Variants in PRKCE observed in about 807,000 individuals in gnomAD.
PRKCE encodes protein kinase C epsilon type.
A neutral mutation model predicts 85.4 loss-of-function variants in PRKCE; 16 were observed. That is an observed-to-expected ratio of 0.19 (90% CI 0.13 to 0.28). The LOEUF (loss-of-function observed/expected upper bound fraction) is 0.28, where lower values mean the gene tolerates loss of function less well. PRKCE is among the 10% of genes least tolerant of loss of function. The pLI, the probability that PRKCE is intolerant of heterozygous loss-of-function variation, is 1.00. For missense variants in PRKCE, 573 were observed against 975.2 expected, an observed-to-expected ratio of 0.59 and a Z score of 5.49; for synonymous variants, 388 against 371.5, an observed-to-expected ratio of 1.04 and a Z score of -0.51.
At chr2:45,880,606 C>T (rs966946013) in intron 2 of PRKCE, among the ~76,000 whole-genome samples, 2 of 152,024 alleles carry the variant, frequency 1.3e-5, no homozygotes, top group African/African-American at 4.8e-5. Context: ...TGTTTACTCC[C>T]TGGACAGCAG....
At position 46,004,911 on chromosome 2, in the gene PRKCE, T is replaced by C. The variant is rs980727641; in HGVS notation, c.1063+273T>C. Reference sequence around the variant, plus strand: ...TGTATGATGTTATGGTTATCTGTTTTCCCTTGCCTCTGTCCCTGGTTCCAA... The same window carrying C: ...TGTATGATGTTATGGTTATCTGTTTCCCCTTGCCTCTGTCCCTGGTTCCAA... On this transcript the variant is annotated intron_variant, in intron 8 of 14. Coordinates refer to ENST00000306156, the MANE Select transcript of PRKCE (RefSeq NM_005400.3). This position sits in a 1 kb window ranked among gnomAD's most constrained non-coding sequence, Gnocchi z 4.1. Among the ~76,000 whole-genome samples the C allele has an allele frequency of 1.3e-5, 2 of 152,144 alleles. No homozygotes were observed. The highest frequency in any genetic ancestry group is 2.9e-5 in the Non-Finnish European group (2 of 68,016).
chr2:45,668,111 C>A (rs1012016570), intron 1 of PRKCE, among the ~76,000 whole-genome samples: 1 of 152,146 alleles, frequency 6.6e-6, no homozygotes, highest in African/African-American at 2.4e-5. Context: ...GAGGCCGAGG[C>A]GGTTGTATCA....
At chr2:45,988,769 C>G (rs1047243912) in intron 6 of PRKCE, among the ~76,000 whole-genome samples, 3 of 152,196 alleles carry the variant, frequency 2.0e-5, no homozygotes, top group Non-Finnish European at 4.4e-5. Flanking sequence ...ATCAGCTTCC[C>G]AGGTTCCAGG....
At chr2:45,662,830 G>A (rs993252538) in intron 1 of PRKCE, among the ~76,000 whole-genome samples, 2 of 151,578 alleles carry the variant, frequency 1.3e-5, no homozygotes, top group Admixed American at 1.3e-4. Context: ...CCCTCTCTCT[G>A]TATCATTAAG....
intron 10 of PRKCE, among the ~76,000 whole-genome samples, chr2:46,036,457 G>T (rs1217473006): frequency 2.0e-5 from 3 of 152,140 alleles, no homozygotes; most frequent in Admixed American, 2.0e-4. Context: ...AGGTATGGTG[G>T]TACATACCTG....
At chr2:45,957,473 G>C (rs1046347288) in intron 2 of PRKCE, among the ~76,000 whole-genome samples, 3 of 147,054 alleles carry the variant, frequency 2.0e-5, no homozygotes, top group Admixed American at 1.3e-4. Flanking sequence ...ATTTGCCTAT[G>C]TGTTTGTTTT....
intron 1 of PRKCE, among the ~76,000 whole-genome samples, chr2:45,743,023 A>G (rs1337891240): frequency 6.6e-6 from 1 of 152,242 alleles, no homozygotes; most frequent in South Asian, 2.1e-4. Context: ...CCAGTCATAG[A>G]AAAATAAATA....
chr2:45,660,714 CATT>C (rs1415077733), intron 1 of PRKCE, among the ~76,000 whole-genome samples: 5 of 152,318 alleles, frequency 3.3e-5, no homozygotes, highest in Admixed American at 3.3e-4. Context: ...CTTGGCAAAA[CATT>C]ATATTTCTCT....
At chr2:45,891,737 C>T (rs758036076) in intron 2 of PRKCE, among the ~76,000 whole-genome samples, 50 of 152,224 alleles carry the variant, frequency 3.3e-4, no homozygotes, top group Non-Finnish European at 6.8e-4. Context: ...TCACTGTTAC[C>T]TTGGGCTGCT....
intron 2 of PRKCE, among the ~76,000 whole-genome samples, chr2:45,878,142 G>C (rs1398217134): frequency 6.6e-6 from 1 of 152,258 alleles, no homozygotes; most frequent in Non-Finnish European, 1.5e-5. Flanking sequence ...CATCACCTCA[G>C]TCATTGGCTT....
At chr2:45,758,511 A>G (rs1487026355) in intron 1 of PRKCE, among the ~76,000 whole-genome samples, 1 of 127,504 alleles carries the variant, frequency 7.8e-6, no homozygotes, top group Non-Finnish European at 1.7e-5. Flanking sequence ...TCTGCCTGGA[A>G]CACTTTTCCT....
chr2:45,935,256 A>G (rs1190518443), intron 2 of PRKCE, among the ~76,000 whole-genome samples: 1 of 152,202 alleles, frequency 6.6e-6, no homozygotes, highest in Non-Finnish European at 1.5e-5. Flanking sequence ...CTTAAAGTAC[A>G]TACATCTTTT....
chr2:45,673,603 A>G (rs1253208662), intron 1 of PRKCE, among the ~76,000 whole-genome samples: 3 of 152,200 alleles, frequency 2.0e-5, no homozygotes, highest in Admixed American at 1.3e-4. Context: ...GGAAATAATC[A>G]TTATCCATTT....
At chr2:45,879,791 C>T (rs1694748917) in intron 2 of PRKCE, among the ~76,000 whole-genome samples, 1 of 152,208 alleles carries the variant, frequency 6.6e-6, no homozygotes, top group Non-Finnish European at 1.5e-5. Context: ...TCATAGGGTA[C>T]TGGTGATGTT....
intron 2 of PRKCE, among the ~76,000 whole-genome samples, chr2:45,864,445 G>A (rs1693419202): frequency 6.6e-6 from 1 of 152,060 alleles, no homozygotes; most frequent in African/African-American, 2.4e-5. Flanking sequence ...ACTGTCCTAA[G>A]TAGTTATTTT....
intron 2 of PRKCE, among the ~76,000 whole-genome samples, chr2:45,906,247 T>C (rs1321517581): frequency 6.6e-6 from 1 of 152,246 alleles, no homozygotes; most frequent in Non-Finnish European, 1.5e-5. Flanking sequence ...GTGCTGGTGC[T>C]GAGTCCAGGA....
Position 45,651,864 on chromosome 2 carries a change from G to A in PRKCE, c.-237G>A, listed in dbSNP as rs1675140939. 2.4e-6 allele frequency: 1 copy of A among 422,798 alleles called. No individual in the cohort carries two copies. Among genetic ancestry groups the A allele is most frequent in the African/African-American group, 2.0e-5 (1 of 50,090 alleles). 26.2% of individuals were successfully genotyped at this position (422,798 alleles called of 1,614,324 possible). A position where few individuals can be genotyped will look rare whatever the true frequency, so the allele number is the denominator to read the frequency against. ...GGGGGGAGAGACTTGCTCCAAACAC[G>A]GACATCCCCCAGCTCTCCCCCCTCC... On this transcript the variant is annotated 5_prime_UTR_variant, in exon 1 of 15. Coordinates refer to ENST00000306156, the MANE Select transcript of PRKCE (RefSeq NM_005400.3).
rs1045643070 is a variant in PRKCE, at chr2:46,139,905, G to A, written c.1593-5188G>A. Among the ~76,000 whole-genome samples the A allele has an allele frequency of 1.3e-5, 2 of 152,046 alleles. No homozygotes were observed. The highest frequency in any genetic ancestry group is 4.8e-5 in the African/African-American group (2 of 41,382). ...TCATGGCTGCGTAGCTATGTGCCTG[G>A]CTTAAAAAATAGAAAGTAAATGTTC... On this transcript the variant is annotated intron_variant, in intron 11 of 14. Coordinates refer to ENST00000306156, the MANE Select transcript of PRKCE (RefSeq NM_005400.3). This position sits in a 1 kb window ranked among gnomAD's most constrained non-coding sequence, Gnocchi z 5.2.
chr2:45,889,998 G>T (rs1351339755), intron 2 of PRKCE, among the ~76,000 whole-genome samples: 1 of 152,166 alleles, frequency 6.6e-6, no homozygotes, highest in Non-Finnish European at 1.5e-5. Flanking sequence ...GTAAATGGAG[G>T]TTTAGCATTA....
Sources: gnomAD v4.1 joint callset for allele counts (sites outside exome capture counted in the v4.1 genomes callset) on GRCh38, gnomAD v4.1.1 for gene constraint, Gnocchi (gnomAD v3.1) non-coding constraint, MANE v1.5 for transcripts, NCBI Gene and HGNC (gene_info 2026-07-23, HGNC 2026-07-21) for gene names.